ABITRAM: variants seen among roughly 807,000 people sequenced by gnomAD.
ABITRAM encodes actin binding transcription modulator, also known as protein Abitram.
In ABITRAM, 19 loss-of-function variants were observed where a neutral mutation model predicts 22.9. That is an observed-to-expected ratio of 0.83 (90% CI 0.58 to 1.22). The LOEUF (loss-of-function observed/expected upper bound fraction) is 1.22. Among genes scored for constraint, ABITRAM ranks in the 50% most tolerant of loss-of-function variants. ABITRAM has a pLI of 0.00. For missense variants in ABITRAM, 215 were observed against 220.2 expected, an observed-to-expected ratio of 0.98 and a Z score of 0.15; for synonymous variants, 70 against 73.9, an observed-to-expected ratio of 0.95 and a Z score of 0.27.
intron 3 of ABITRAM, among the ~76,000 whole-genome samples, chr9:108,947,164 A>C (rs1830430976): frequency 7.0e-6 from 1 of 142,674 alleles, no homozygotes. Context: ...CCCAGACTGG[A>C]GTGCAGTGGC....
At chr9:108,936,016 G>A (rs1216039360) in intron 2 of ABITRAM, 9 of 488,200 alleles carry the variant, frequency 1.8e-5, no homozygotes, top group African/African-American at 7.8e-5. Flanking sequence ...AGACATGTAT[G>A]GTATCTCGTA....
At chr9:108,948,407 CAATT>C (rs1279304170) in intron 3 of ABITRAM, among the ~76,000 whole-genome samples, 3 of 152,056 alleles carry the variant, frequency 2.0e-5, no homozygotes, top group Non-Finnish European at 4.4e-5. Context: ...TAATATTTGA[CAATT>C]ATTTATTAAG....
At chr9:108,943,948 T>G (rs764818762), downstream of ABITRAM, 4 of 1,612,568 alleles carry the variant, frequency 2.5e-6, no homozygotes, top group Admixed American at 3.3e-5. Flanking sequence ...TCCAGGTAGG[T>G]AGACATGTGT....
chr9:108,938,302 G>A (rs1830212795), intron 3 of ABITRAM, among the ~76,000 whole-genome samples: 1 of 152,156 alleles, frequency 6.6e-6, no homozygotes, highest in South Asian at 2.1e-4. Flanking sequence ...ATATCTGAAT[G>A]CCATCTAAAA....
chr9:108,936,149 CT>C (rs1189317320), intron 2 of ABITRAM, 158 bp from the exon 3 acceptor site: 3 of 699,962 alleles, frequency 4.3e-6, no homozygotes, highest in Admixed American at 5.9e-5. Flanking sequence ...ATTGTATTCT[CT>C]ATTCTACAGT....
At chr9:108,943,132 T>A, downstream of ABITRAM, 1 of 1,203,824 alleles carries the variant, frequency 8.3e-7, no homozygotes, top group Non-Finnish European at 1.2e-6. Flanking sequence ...TGATAAAATT[T>A]CTCCATATGG....
Sources: allele counts gnomAD v4.1 joint callset (sites outside exome capture counted in the v4.1 genomes callset), GRCh38; gene constraint gnomAD v4.1.1; transcripts MANE v1.5; gene names NCBI Gene and HGNC (gene_info 2026-07-23, HGNC 2026-07-21).